The following PCNX2 variants were observed in gnomAD, a reference collection of about 807,000 sequenced individuals.
PCNX2 encodes pecanex-like protein 2.
A neutral mutation model predicts 223.8 loss-of-function variants in PCNX2; 168 were observed. The ratio of observed to expected loss-of-function variants is 0.75; its 90% CI spans 0.66 to 0.85. The LOEUF is 0.85. Ranked by LOEUF, PCNX2 falls within the 40% of genes least tolerant of loss-of-function variation. The pLI, the probability that PCNX2 is intolerant of heterozygous loss-of-function variation, is 0.00. For synonymous variants in PCNX2, 1,006 were observed against 1,052.6 expected (o/e 0.96, Z 0.86); for missense variants, 2,507 against 2,675.5 (o/e 0.94, Z 1.39).
rs1463747905 is a variant in PCNX2 at position 232,998,258 on chromosome 1, C to T, written c.5784G>A (p.Gln1928=). The T allele has an allele frequency of 6.3e-7, 1 of 1,575,006 alleles. No homozygotes were observed. Among genetic ancestry groups the T allele is most frequent in the South Asian group, 1.2e-5 (1 of 84,986 alleles). ...GGCCCCTGCTGCACCCACCTGTTCT[C>T]TGTGTCCCTTCACAGGATGACACCC... ...QHGVSSCEGT[Q]RTGRRKGRSQ... The change falls in exon 32 of 34, where the codon CAG becomes CAA. Residue 1928 remains glutamine, a synonymous_variant. Transcript: ENST00000258229.
chr1:233,120,820 A>T (rs1675737555), intron 21 of PCNX2, among the ~76,000 whole-genome samples: 1 of 152,162 alleles, frequency 6.6e-6, no homozygotes, highest in South Asian at 2.1e-4. Flanking sequence ...TAAGAAACAA[A>T]GTGTTAGAGT....
Position 232,983,600 on chromosome 1 carries a change from G to A in PCNX2, c.*704C>T, listed in dbSNP as rs1669341615. 1 of 152,196 alleles carries A rather than the reference G, an allele frequency of 6.6e-6. No individual in the cohort carries two copies. Among genetic ancestry groups the A allele is most frequent in the African/African-American group, 2.4e-5 (1 of 41,436 alleles). 9.4% of individuals were successfully genotyped at this position (152,196 alleles called of 1,614,324 possible). On this transcript the variant is annotated 3_prime_UTR_variant, in exon 34 of 34. Transcript: ENST00000258229. ...GTGAGGAGCATTGTGTGACTCCGCG[G>A]TGGATTTCCATGCACCGAATGGACT...
At chr1:233,325,902 CTA>C in the PCNX2 span, among the ~76,000 whole-genome samples, 1 of 152,186 alleles carries the variant, frequency 6.6e-6, no homozygotes, top group Non-Finnish European at 1.5e-5. Context: ...GCTTCCCATG[CTA>C]CAGAGAAGTC....
intron 21 of PCNX2, among the ~76,000 whole-genome samples, chr1:233,098,444 G>C (rs2102953268): frequency 6.6e-6 from 1 of 152,122 alleles, no homozygotes; most frequent in East Asian, 1.9e-4. Context: ...CCAGATATAA[G>C]CACTCTCCTG....
At chr1:233,255,282 C>T (rs1659671926) in intron 5 of PCNX2, among the ~76,000 whole-genome samples, 1 of 152,174 alleles carries the variant, frequency 6.6e-6, no homozygotes, top group Admixed American at 6.5e-5. Flanking sequence ...GAAAACCAAA[C>T]CAAACCAAGC....
intron 26 of PCNX2, among the ~76,000 whole-genome samples, chr1:233,023,218 T>G (rs1670958992): frequency 6.6e-6 from 1 of 152,196 alleles, no homozygotes; most frequent in African/African-American, 2.4e-5. Flanking sequence ...GACACTCTCC[T>G]TGTTGAGGGA....
chr1:233,304,169 G>A, the PCNX2 span, among the ~76,000 whole-genome samples: 37 of 152,308 alleles, frequency 2.4e-4, no homozygotes, highest in African/African-American at 8.7e-4. Context: ...CAATAGAGGT[G>A]GAATTATACA....
At chr1:233,218,855 A>G (rs1657189799) in intron 10 of PCNX2, among the ~76,000 whole-genome samples, 1 of 152,084 alleles carries the variant, frequency 6.6e-6, no homozygotes, top group Non-Finnish European at 1.5e-5. Flanking sequence ...GTTCCTTTCA[A>G]TGGAAGGGGG....
At position 233,087,900 on chromosome 1, in the gene PCNX2, G is replaced by C. The variant is rs571536991; in HGVS notation, c.4076+2161C>G. On this transcript the variant is annotated intron_variant, in intron 23 of 33. Coordinates refer to ENST00000258229, the MANE Select transcript of PCNX2 (RefSeq NM_014801.4). Reference sequence around the variant, plus strand: ...CAACCCATGAGAAGGGCAGCCAGAGGCAGACACCCCACACACACATACAGG... The same window carrying C: ...CAACCCATGAGAAGGGCAGCCAGAGCCAGACACCCCACACACACATACAGG... Among the ~76,000 whole-genome samples, 5 of 152,246 alleles carry C rather than the reference G, an allele frequency of 3.3e-5. No homozygotes were observed. The South Asian group carries it at 1.0e-3, about 32-fold the overall frequency.
chr1:233,325,180 T>C, the PCNX2 span, among the ~76,000 whole-genome samples: 1 of 152,152 alleles, frequency 6.6e-6, no homozygotes, highest in Admixed American at 6.5e-5. Flanking sequence ...GCAAGGTAAA[T>C]AGGATTCACC....
At chr1:233,038,167 T>C (rs1671522871) in intron 25 of PCNX2, among the ~76,000 whole-genome samples, 1 of 152,230 alleles carries the variant, frequency 6.6e-6, no homozygotes, top group Non-Finnish European at 1.5e-5. Flanking sequence ...AACCAGCTCA[T>C]GGGAGAAAAT....
rs1378735696 is a variant in PCNX2 at position 233,139,066 on chromosome 1, ACTT to A, written c.3659+645_3659+647del. On this transcript the variant is annotated intron_variant, in intron 20 of 33. Coordinates refer to ENST00000258229, the MANE Select transcript of PCNX2 (RefSeq NM_014801.4). The surrounding 1 kb of genome is among the most constrained non-coding windows in gnomAD (Gnocchi z 4.4). ...TCTTTTATATCCTCCTACTCTAACA[ACTT>A]CTTTGACCAGCAACTTTTGCCTTTC... Among the ~76,000 whole-genome samples the A allele has an allele frequency of 6.6e-6, 1 of 152,158 alleles. No homozygotes were observed. Among genetic ancestry groups the A allele is most frequent in the Non-Finnish European group, 1.5e-5 (1 of 68,034 alleles).
chr1:233,266,691 C>T (rs938604643), intron 1 of PCNX2, among the ~76,000 whole-genome samples: 1 of 152,088 alleles, frequency 6.6e-6, no homozygotes, highest in Non-Finnish European at 1.5e-5. Flanking sequence ...TTTGAATAGC[C>T]GTTTTCTTGT....
intron 15 of PCNX2, among the ~76,000 whole-genome samples, chr1:233,192,371 G>C (rs1680471030): frequency 6.6e-6 from 1 of 152,142 alleles, no homozygotes; most frequent in African/African-American, 2.4e-5. Flanking sequence ...AAGAGAAGTA[G>C]GAGAATCATA....
intron 10 of PCNX2, among the ~76,000 whole-genome samples, chr1:233,220,741 T>C (rs774188562): frequency 8.5e-5 from 13 of 152,090 alleles, no homozygotes; most frequent in Non-Finnish European, 1.5e-4. Flanking sequence ...AATGAAAAAA[T>C]GAGGGAAAAA....
intron 23 of PCNX2, among the ~76,000 whole-genome samples, chr1:233,059,955 T>C (rs1272400680): frequency 2.0e-5 from 3 of 152,194 alleles, no homozygotes; most frequent in Non-Finnish European, 4.4e-5. Flanking sequence ...TTTGAATAAA[T>C]GAAAAGGCTT....
At chr1:233,106,894 C>T (rs1674821258) in intron 21 of PCNX2, among the ~76,000 whole-genome samples, 1 of 152,142 alleles carries the variant, frequency 6.6e-6, no homozygotes, top group Admixed American at 6.5e-5. Context: ...TTTGTAATAA[C>T]ATTTCATCAA....
intron 21 of PCNX2, among the ~76,000 whole-genome samples, chr1:233,111,367 T>C (rs890539979): frequency 6.6e-6 from 1 of 152,184 alleles, no homozygotes; most frequent in Non-Finnish European, 1.5e-5. Flanking sequence ...TACAGGTTAT[T>C]TTACTGGTTG....
intron 10 of PCNX2, among the ~76,000 whole-genome samples, chr1:233,224,580 TC>T (rs765300634): frequency 1.6e-4 from 25 of 152,252 alleles, no homozygotes; most frequent in Admixed American, 7.8e-4. Context: ...TTACCCAGCT[TC>T]CCCAATGATT....
Sources: gnomAD v4.1 joint callset for allele counts (sites outside exome capture counted in the v4.1 genomes callset) on GRCh38, gnomAD v4.1.1 for gene constraint, Gnocchi (gnomAD v3.1) non-coding constraint, MANE v1.5 for transcripts, NCBI Gene and HGNC (gene_info 2026-07-23, HGNC 2026-07-21) for gene names.